CACNB2: variants seen among roughly 807,000 people sequenced by gnomAD.
CACNB2 encodes voltage-dependent L-type calcium channel subunit beta-2.
A neutral mutation model predicts 73.3 loss-of-function variants in CACNB2; 42 were observed. That is an observed-to-expected ratio of 0.57 (90% CI 0.45 to 0.74). The LOEUF is 0.74. CACNB2 is among the 30% of genes least tolerant of loss of function. The pLI, the probability that CACNB2 is intolerant of heterozygous loss-of-function variation, is 0.00. For missense variants in CACNB2, 940 were observed against 853.0 expected, an observed-to-expected ratio of 1.10 and a Z score of -1.27; for synonymous variants, 348 against 310.3, an observed-to-expected ratio of 1.12 and a Z score of -1.28.
Position 18,447,835 on chromosome 10 carries a change from T to TA in CACNB2, c.333+45799dup, listed in dbSNP as rs2046809934. Among the ~76,000 whole-genome samples, 3 of 152,246 alleles carry TA rather than the reference T, an allele frequency of 2.0e-5. No homozygotes were observed. The South Asian group carries it at 6.2e-4, about 32-fold the overall frequency. ...GAAGAACAAGATTCAGATTTCTTTTTAAAAAAATCTTTACATTTTGCTCAA... is the reference window on the plus strand; with the variant it reads ...GAAGAACAAGATTCAGATTTCTTTTTAAAAAAAATCTTTACATTTTGCTCAA... On this transcript the variant is annotated intron_variant, in intron 3 of 13. Coordinates refer to ENST00000324631, the MANE Select transcript of CACNB2 (RefSeq NM_201596.3).
intron 2 of CACNB2, among the ~76,000 whole-genome samples, chr10:18,201,006 G>A (rs554697452): frequency 2.6e-5 from 4 of 152,246 alleles, no homozygotes; most frequent in African/African-American, 9.6e-5. Context: ...GTATAATAGG[G>A]CTAACGTTCA....
chr10:18,164,518 G>A (rs1353903235), intron 2 of CACNB2, among the ~76,000 whole-genome samples: 1 of 152,070 alleles, frequency 6.6e-6, no homozygotes, highest in East Asian at 1.9e-4. Context: ...TCTTTGGGGA[G>A]ATGTTTACAA....
At chr10:18,335,575 ACT>A (rs1212431465) in intron 2 of CACNB2, among the ~76,000 whole-genome samples, 1 of 152,006 alleles carries the variant, frequency 6.6e-6, no homozygotes, top group Non-Finnish European at 1.5e-5. Flanking sequence ...ACAGAGCGAG[ACT>A]CTGTCTCAAA....
At chr10:18,269,463 A>G (rs374393242) in intron 2 of CACNB2, among the ~76,000 whole-genome samples, 1 of 152,314 alleles carries the variant, frequency 6.6e-6, no homozygotes, top group Middle Eastern at 3.4e-3. Flanking sequence ...TCATGAGTCC[A>G]TCCTCAACTC....
At chr10:18,200,775 T>G (rs963063683) in intron 2 of CACNB2, among the ~76,000 whole-genome samples, 5 of 152,210 alleles carry the variant, frequency 3.3e-5, no homozygotes, top group Admixed American at 1.3e-4. Flanking sequence ...CAAGTAGCAG[T>G]CACTTGCCCC....
intron 2 of CACNB2, among the ~76,000 whole-genome samples, chr10:18,337,233 A>T (rs1308336515): frequency 6.6e-6 from 1 of 152,024 alleles, no homozygotes; most frequent in Non-Finnish European, 1.5e-5. Flanking sequence ...GGAGTCAAGC[A>T]ATCCTCCCAT....
chr10:18,295,505 A>T (rs2131800056), intron 2 of CACNB2, among the ~76,000 whole-genome samples: 1 of 152,358 alleles, frequency 6.6e-6, no homozygotes, highest in Non-Finnish European at 1.5e-5. Flanking sequence ...AGTCACACTG[A>T]ACCTCCCAGT....
At chr10:18,204,126 T>C (rs868006616) in intron 2 of CACNB2, among the ~76,000 whole-genome samples, 5 of 152,336 alleles carry the variant, frequency 3.3e-5, no homozygotes, top group Middle Eastern at 3.4e-3. Flanking sequence ...ACTTTTAAAG[T>C]GTTCATTTTG....
chr10:18,452,770 A>G (rs1047708037), intron 3 of CACNB2, among the ~76,000 whole-genome samples: 1 of 152,190 alleles, frequency 6.6e-6, no homozygotes, highest in Non-Finnish European at 1.5e-5. Context: ...TTGTTCACCA[A>G]AAAAGGTTCT....
chr10:18,359,324 T>G (rs997097100), intron 2 of CACNB2, among the ~76,000 whole-genome samples: 2 of 152,138 alleles, frequency 1.3e-5, no homozygotes, highest in African/African-American at 2.4e-5. Context: ...CAGGCTAGAG[T>G]GCAGTGGCGC....
chr10:18,452,458 TA>T (rs1016507396), intron 3 of CACNB2, among the ~76,000 whole-genome samples: 114 of 151,854 alleles, frequency 7.5e-4, no homozygotes, highest in South Asian at 4.0e-3. Context: ...ATAGCACATT[TA>T]AAAAAAAATT....
At chr10:18,286,722 A>T (rs182107077) in intron 2 of CACNB2, among the ~76,000 whole-genome samples, 84 of 152,270 alleles carry the variant, frequency 5.5e-4, no homozygotes, top group Non-Finnish European at 1.1e-3. Flanking sequence ...TGATTGTGAT[A>T]TATGTGAAAA....
At position 18,506,401 on chromosome 10, in the gene CACNB2, C is replaced by T. The variant is rs1416654933; in HGVS notation, c.594-70C>T. ...ATAAAACCATAATGAATTATGTTTA[C>T]TGAATAATATAAATGTTTGAGGATG... On this transcript the variant is annotated intron_variant, in intron 5 of 13. Transcript: ENST00000324631. 4 of 809,422 alleles carry T rather than the reference C, an allele frequency of 4.9e-6. No individual in the cohort carries two copies. In the Admixed American group the frequency reaches 5.3e-5, roughly 11 times the overall value. 50.1% of individuals were successfully genotyped at this position (809,422 alleles called of 1,614,324 possible). A position where few individuals can be genotyped will look rare whatever the true frequency, so the allele number is the denominator to read the frequency against.
At chr10:18,233,336 C>T (rs1370641023) in intron 2 of CACNB2, among the ~76,000 whole-genome samples, 1 of 152,034 alleles carries the variant, frequency 6.6e-6, no homozygotes, top group Non-Finnish European at 1.5e-5. Context: ...CAGCCACGAG[C>T]CATATTGCCA....
At chr10:18,353,536 T>C (rs1564461109) in intron 2 of CACNB2, among the ~76,000 whole-genome samples, 2 of 152,204 alleles carry the variant, frequency 1.3e-5, no homozygotes, top group East Asian at 1.9e-4. Context: ...AAACAAAATA[T>C]GTAAGCATTT....
chr10:18,401,695 G>T (rs1293111828), intron 2 of CACNB2, among the ~76,000 whole-genome samples: 1 of 152,074 alleles, frequency 6.6e-6, no homozygotes, highest in Non-Finnish European at 1.5e-5. Flanking sequence ...TAGTTTTTTG[G>T]AATATAAAGC....
intron 2 of CACNB2, among the ~76,000 whole-genome samples, chr10:18,348,910 G>A (rs1264085485): frequency 6.6e-6 from 1 of 152,156 alleles, no homozygotes; most frequent in Non-Finnish European, 1.5e-5. Context: ...TTTGAGCTCA[G>A]GAGTTTGAGA....
At chr10:18,184,576 T>G (rs1455672050) in intron 2 of CACNB2, among the ~76,000 whole-genome samples, 1 of 151,418 alleles carries the variant, frequency 6.6e-6, no homozygotes, top group Non-Finnish European at 1.5e-5. Flanking sequence ...CAGGACCCTA[T>G]CCTAAATGTC....
chr10:18,326,917 G>T (rs1416890810), intron 2 of CACNB2, among the ~76,000 whole-genome samples: 1 of 151,988 alleles, frequency 6.6e-6, no homozygotes, highest in African/African-American at 2.4e-5. Context: ...GGTAGAGACG[G>T]GTTTTTTTGC....
Sources: allele counts gnomAD v4.1 joint callset (sites outside exome capture counted in the v4.1 genomes callset), GRCh38; gene constraint gnomAD v4.1.1; transcripts MANE v1.5; gene names NCBI Gene and HGNC (gene_info 2026-07-23, HGNC 2026-07-21).